Variants in DENND1A observed in about 807,000 individuals in gnomAD.
DENND1A encodes the protein DENN domain containing 1A.
In DENND1A, 51 loss-of-function variants were observed where a neutral mutation model predicts 113.7. That is an observed-to-expected ratio of 0.45 (90% CI 0.36 to 0.57). The LOEUF (loss-of-function observed/expected upper bound fraction) is 0.57, where lower values mean the gene tolerates loss of function less well. Ranked by LOEUF, DENND1A falls within the 20% of genes least tolerant of loss-of-function variation. The probability of loss-of-function intolerance (pLI) is 0.00; values close to 1 mark genes in which losing one functional copy is unlikely to be tolerated. For synonymous variants in DENND1A, 565 were observed against 570.8 expected, an observed-to-expected ratio of 0.99 and a Z score of 0.14; for missense variants, 1,258 against 1,395.9, an observed-to-expected ratio of 0.90 and a Z score of 1.57.
At position 123,514,546 on chromosome 9, in the gene DENND1A, G is replaced by C. The variant is rs542054729; in HGVS notation, c.993+43024C>G. Among the ~76,000 whole-genome samples, 11 of 152,242 alleles carry C rather than the reference G, an allele frequency of 7.2e-5. No individual in the cohort carries two copies. The East Asian group carries it at 1.9e-3, about 27-fold the overall frequency. ...GCATCTGGGTGGGGATGGAGGCAGG[G>C]GCAGCGACAGAAGCGTGGTTCCACA... On this transcript the variant is annotated intron_variant, in intron 13 of 23. Coordinates refer to ENST00000394215, the MANE Select transcript of DENND1A (RefSeq NM_001352964.2).
intron 2 of DENND1A, among the ~76,000 whole-genome samples, chr9:123,818,525 CA>C (rs1837915303): frequency 2.3e-5 from 2 of 88,506 alleles, no homozygotes; most frequent in Non-Finnish European, 4.2e-5. Flanking sequence ...CATATACACA[CA>C]CACACACACA....
At chr9:123,765,586 G>C (rs1173268278) in intron 4 of DENND1A, among the ~76,000 whole-genome samples, 1 of 152,138 alleles carries the variant, frequency 6.6e-6, no homozygotes, top group East Asian at 1.9e-4. Context: ...TGGAATGGTA[G>C]CTGACTTTCA....
chr9:123,666,301 A>G (rs541225734), intron 8 of DENND1A, among the ~76,000 whole-genome samples: 82 of 152,352 alleles, frequency 5.4e-4, no homozygotes, highest in African/African-American at 1.7e-3. Context: ...TAATCATAGT[A>G]AAACATTTTG....
At chr9:123,624,489 C>CA (rs1439517296) in intron 10 of DENND1A, among the ~76,000 whole-genome samples, 1 of 152,140 alleles carries the variant, frequency 6.6e-6, no homozygotes, top group Non-Finnish European at 1.5e-5. Context: ...TTACAGTTAA[C>CA]AAACAGACAC....
intron 22 of DENND1A, among the ~76,000 whole-genome samples, chr9:123,384,875 G>A (rs867698018): frequency 6.6e-6 from 1 of 152,154 alleles, no homozygotes; most frequent in Non-Finnish European, 1.5e-5. Context: ...TTGAACCTGG[G>A]AGGTGGAGGT....
intron 15 of DENND1A, among the ~76,000 whole-genome samples, chr9:123,455,965 A>G (rs989465148): frequency 6.6e-6 from 1 of 152,062 alleles, no homozygotes; most frequent in African/African-American, 2.4e-5. Context: ...GATTGTCTTT[A>G]GTCATGCATT....
chr9:123,686,896 A>G (rs368809908), intron 5 of DENND1A, among the ~76,000 whole-genome samples: 2 of 152,192 alleles, frequency 1.3e-5, no homozygotes, highest in East Asian at 1.9e-4. Flanking sequence ...AATAGTACTC[A>G]TTTAAGTTCA....
chr9:123,475,007 T>G (rs2049785420), intron 13 of DENND1A, among the ~76,000 whole-genome samples: 1 of 151,020 alleles, frequency 6.6e-6, no homozygotes, highest in African/African-American at 2.4e-5. Context: ...CACACCGCTG[T>G]GTGGGTTTTT....
At chr9:123,917,567 A>C (rs1478996197) in intron 1 of DENND1A, among the ~76,000 whole-genome samples, 1 of 152,166 alleles carries the variant, frequency 6.6e-6, no homozygotes, top group Non-Finnish European at 1.5e-5. Flanking sequence ...ACATAATGCA[A>C]TTTACCTTTA....
chr9:123,401,775 C>T (rs781271516), intron 21 of DENND1A: 2 of 1,613,674 alleles, frequency 1.2e-6, no homozygotes, highest in East Asian at 2.2e-5. Context: ...GCGAAGTCAG[C>T]CCCTCTGCCC....
intron 11 of DENND1A, among the ~76,000 whole-genome samples, chr9:123,597,467 G>A (rs2059746878): frequency 6.6e-6 from 1 of 152,154 alleles, no homozygotes. Context: ...AGCCCTCACA[G>A]TCCTTAACAA....
intron 19 of DENND1A, chr9:123,414,573 T>TGG: frequency 6.4e-7 from 1 of 1,550,506 alleles, no homozygotes; most frequent in Non-Finnish European, 8.7e-7. Context: ...TTGCTCCTTT[T>TGG]GGGGATTCAC....
At chr9:123,413,725 G>A in intron 19 of DENND1A, 1 of 985,510 alleles carries the variant, frequency 1.0e-6, no homozygotes, top group Non-Finnish European at 1.2e-6. Context: ...CCCTTCAGCT[G>A]ACAGCTACCC....
At chr9:123,697,897 C>T (rs2140536131) in intron 5 of DENND1A, among the ~76,000 whole-genome samples, 1 of 152,270 alleles carries the variant, frequency 6.6e-6, no homozygotes, top group African/African-American at 2.4e-5. Flanking sequence ...TAAATATAAA[C>T]ACAACCTTTA....
At chr9:123,522,814 C>T (rs573186615) in intron 13 of DENND1A, among the ~76,000 whole-genome samples, 6 of 152,266 alleles carry the variant, frequency 3.9e-5, no homozygotes, top group Admixed American at 6.5e-5. Flanking sequence ...AAACATGAGA[C>T]GTCCCGGATG....
In DENND1A at chr9:123,926,779, C is replaced by A. The variant is rs78202985; in HGVS notation, c.17+3110G>T. ...GTTCCATGAACTCTTCTCAAACAAC[C>A]ATGTGCCAGGCATTGAGTCTGACAC... is the stretch of plus-strand genomic sequence containing the variant. On this transcript the variant is annotated intron_variant, in intron 1 of 23. Coordinates refer to ENST00000394215, the MANE Select transcript of DENND1A (RefSeq NM_001352964.2). 1.8e-3 allele frequency among the ~76,000 whole-genome samples: 271 copies of A among 152,034 alleles called. 2 individuals are homozygous for A. Among genetic ancestry groups the A allele is most frequent in the African/African-American group, 6.2e-3 (258 of 41,468 alleles).
intron 10 of DENND1A, among the ~76,000 whole-genome samples, chr9:123,620,352 G>A (rs560588988): frequency 1.8e-4 from 28 of 151,680 alleles, no homozygotes; most frequent in South Asian, 1.0e-3. Context: ...CTCAGTGTAG[G>A]GCTCAGTGAC....
In DENND1A at chr9:123,800,753, T is replaced by C. The variant is rs1411927691; in HGVS notation, c.89-8123A>G. On this transcript the variant is annotated intron_variant, in intron 2 of 23. Coordinates refer to ENST00000394215, the MANE Select transcript of DENND1A (RefSeq NM_001352964.2). The stretch of plus-strand genomic sequence containing the variant: ...AATGACTCCAAAGTAACTGGCACTC[T>C]ATTCAACTAGTAAATACAATATTTA... 4.6e-5 allele frequency among the ~76,000 whole-genome samples: 7 copies of C among 152,252 alleles called. No homozygotes were observed. The East Asian group carries it at 1.3e-3, about 29-fold the overall frequency.
chr9:123,472,125 A>G (rs2049476539), intron 13 of DENND1A, among the ~76,000 whole-genome samples: 1 of 152,196 alleles, frequency 6.6e-6, no homozygotes, highest in African/African-American at 2.4e-5. Flanking sequence ...GGGGAGATCA[A>G]CGTCCTTTGT....
Sources: allele counts gnomAD v4.1 joint callset (sites outside exome capture counted in the v4.1 genomes callset), GRCh38; gene constraint gnomAD v4.1.1; transcripts MANE v1.5; gene names NCBI Gene and HGNC (gene_info 2026-07-23, HGNC 2026-07-21).